USP24: variants seen among roughly 807,000 people sequenced by gnomAD.
The protein encoded by USP24 is ubiquitin specific peptidase 24, also known as ubiquitin carboxyl-terminal hydrolase 24.
A neutral mutation model predicts 361.6 loss-of-function variants in USP24; 97 were observed. The ratio of observed to expected loss-of-function variants is 0.27; its 90% CI spans 0.23 to 0.32. The LOEUF (loss-of-function observed/expected upper bound fraction) is 0.32. Among genes scored for constraint, USP24 ranks in the 10% least tolerant of loss-of-function variants. USP24 has a pLI of 1.00. For synonymous variants in USP24, 1,098 were observed against 1,124.6 expected (o/e 0.98, Z 0.47); for missense variants, 2,353 against 3,165.6 (o/e 0.74, Z 6.16).
intron 28 of USP24, among the ~76,000 whole-genome samples, chr1:55,136,933 G>A (rs1427372180): frequency 1.3e-5 from 2 of 152,162 alleles, no homozygotes; most frequent in Non-Finnish European, 2.9e-5. Flanking sequence ...TGCAGAGACT[G>A]GAGACTGGAT....
At chr1:55,162,092 G>A in intron 8 of USP24, 107 bp downstream of exon 8, 1 of 951,790 alleles carries the variant, frequency 1.1e-6, no homozygotes. Flanking sequence ...TGTGAAAAAA[G>A]GAGTTACTCT....
At position 55,215,127 on chromosome 1, in the gene USP24, T is replaced by G. The variant is rs763310437; in HGVS notation, c.-14A>C. On this transcript the variant is annotated 5_prime_UTR_variant, in exon 1 of 68. Coordinates refer to ENST00000294383, the MANE Select transcript of USP24 (RefSeq NM_015306.3). ...CTCCGATTCCATGGCTTGGGCCTCC[T>G]GGCCGCCCCGGCCAGCGCACGGCGA... The G allele has an allele frequency of 4.8e-6, 6 of 1,250,044 alleles. No individual in the cohort carries two copies. The highest frequency in any genetic ancestry group is 1.5e-5 in the African/African-American group (1 of 64,818). The allele number at this position is 1,250,044 out of a possible 1,614,324, so 77.4% of individuals were successfully genotyped here. A position where few individuals can be genotyped will look rare whatever the true frequency, so the allele number is the denominator to read the frequency against.
intron 64 of USP24, 109 bp from the exon 65 acceptor site, chr1:55,072,970 T>C: frequency 9.2e-7 from 1 of 1,091,338 alleles, no homozygotes; most frequent in Non-Finnish European, 1.3e-6. Context: ...GTCTTTATAT[T>C]TGTGATTCTA....
At chr1:55,079,797 T>C in intron 59 of USP24, 138 bp from the exon 60 acceptor site, 3 of 1,155,362 alleles carry the variant, frequency 2.6e-6, no homozygotes, top group Non-Finnish European at 3.5e-6. Context: ...ACACACTGAG[T>C]ACTCACACAC....
At position 55,137,288 on chromosome 1, in the gene USP24, C is replaced by T. The variant is rs1006827603; in HGVS notation, c.3201+227G>A. Among the ~76,000 whole-genome samples the T allele has an allele frequency of 3.3e-5, 5 of 152,214 alleles. 1 individual carries two copies. Among genetic ancestry groups the T allele is most frequent in the South Asian group, 4.1e-4 (2 of 4,830 alleles). ...AGGATGGCAAAAGAAAAGCTGGAAA[C>T]GAGTTCAGACAACTGTTTCAAGGAG... On this transcript the variant is annotated intron_variant, in intron 28 of 67. Coordinates refer to ENST00000294383, the MANE Select transcript of USP24 (RefSeq NM_015306.3).
At chr1:55,125,635 G>C in intron 33 of USP24, 28 bp downstream of exon 33, 2 of 1,579,208 alleles carry the variant, frequency 1.3e-6, no homozygotes, top group African/African-American at 2.7e-5. Flanking sequence ...GTATTGCCTG[G>C]TAAGACTAAT....
At position 55,104,021 on chromosome 1, in the gene USP24, C is replaced by A; in HGVS notation, c.4881-1G>T. On this transcript the variant is annotated splice_acceptor_variant, in intron 41 of 67. Coordinates refer to ENST00000294383, the MANE Select transcript of USP24 (RefSeq NM_015306.3). LOFTEE classifies it high-confidence loss of function. ...CAATCGGCTATTCGCTGTACTACACCTAGAAACAAAAGACACAAGTCAATT... is the reference window on the plus strand; with the variant it reads ...CAATCGGCTATTCGCTGTACTACACATAGAAACAAAAGACACAAGTCAATT... 6.3e-7 allele frequency: 1 copy of A among 1,598,590 alleles called. No individual in the cohort carries two copies. Among genetic ancestry groups the A allele is most frequent in the Non-Finnish European group, 8.5e-7 (1 of 1,172,946 alleles).
At chr1:55,138,040 C>A in intron 26 of USP24, 136 bp from the exon 27 acceptor site, 2 of 802,258 alleles carry the variant, frequency 2.5e-6, no homozygotes, top group Non-Finnish European at 3.9e-6. Flanking sequence ...AGACAAGAAC[C>A]CCTGCCCTCG....
chr1:55,126,042 CT>C lies in USP24; in HGVS notation c.3636-285del, dbSNP rs1217532239. On this transcript the variant is annotated intron_variant, in intron 32 of 67. Transcript: ENST00000294383. ...ATTTAACTCAGATCATGGCACTCCT[CT>C]GCACAAAATCCTTCAATGGTTTCCT... Among the ~76,000 whole-genome samples the C allele has an allele frequency of 2.6e-5, 4 of 152,344 alleles. No individual in the cohort carries two copies. The East Asian group carries it at 7.7e-4, about 29-fold the overall frequency.
intron 5 of USP24, 48 bp downstream of exon 5, chr1:55,171,504 CTTCT>C: frequency 3.9e-6 from 6 of 1,543,520 alleles, no homozygotes; most frequent in Middle Eastern, 1.7e-4. Flanking sequence ...CACAGAAAAT[CTTCT>C]TTTTCAATAC....
At chr1:55,192,780 TAAAC>T (rs1366786855) in intron 1 of USP24, among the ~76,000 whole-genome samples, 2 of 152,346 alleles carry the variant, frequency 1.3e-5, no homozygotes, top group East Asian at 3.9e-4. Flanking sequence ...GAGAAGATGA[TAAAC>T]AAGTAAGTGT....
rs1357999901 is a variant in USP24, at chr1:55,107,316, T to C, written c.4685A>G (p.Asp1562Gly). ...RTAECETSEA[D>G]NILLAGHLRL... ...TAAGTGCCCTGCCAGTAAGATGTTG[T>C]CCGCTTCACTGGTCTCACATTCAGC... Residue 1562 changes from aspartate (D) to glycine (G), a missense_variant, in exon 40 of 68, where the codon GAC becomes GGC. Asp to Gly is a moderately conservative substitution (Grantham distance 94). Transcript: ENST00000294383. The C allele has an allele frequency of 6.2e-7, 1 of 1,613,984 alleles. No individual in the cohort carries two copies. The highest frequency in any genetic ancestry group is 8.5e-7 in the Non-Finnish European group (1 of 1,179,886).
chr1:55,081,067 T>A (rs1332455053), intron 59 of USP24, among the ~76,000 whole-genome samples: 2 of 152,120 alleles, frequency 1.3e-5, no homozygotes, highest in Non-Finnish European at 2.9e-5. Flanking sequence ...TAGCTTTTAA[T>A]CCTAAAGAGT....
chr1:55,192,261 G>A (rs1156759114), intron 1 of USP24, among the ~76,000 whole-genome samples: 1 of 152,146 alleles, frequency 6.6e-6, no homozygotes, highest in African/African-American at 2.4e-5. Flanking sequence ...GTTGAAAGAA[G>A]TAAAACCTAC....
chr1:55,204,623 T>A (rs1428297851), intron 1 of USP24, among the ~76,000 whole-genome samples: 1 of 152,204 alleles, frequency 6.6e-6, no homozygotes, highest in Admixed American at 6.5e-5. Context: ...AAGACCTCTC[T>A]CTAGCTTCTG....
chr1:55,128,901 G>A (rs976771932), intron 32 of USP24, among the ~76,000 whole-genome samples: 13 of 151,478 alleles, frequency 8.6e-5, no homozygotes, highest in Non-Finnish European at 1.5e-4. Context: ...TTTATTTTTA[G>A]TAGACATGAG....
intron 1 of USP24, among the ~76,000 whole-genome samples, chr1:55,211,302 A>C (rs1195464897): frequency 6.6e-6 from 1 of 152,252 alleles, no homozygotes; most frequent in Non-Finnish European, 1.5e-5. Flanking sequence ...ATGATTTTGA[A>C]GTAATGCTAT....
chr1:55,103,787 G>T, intron 42 of USP24, 89 bp downstream of exon 42: 1 of 1,399,526 alleles, frequency 7.1e-7, no homozygotes, highest in South Asian at 1.5e-5. Flanking sequence ...CTTTCTTTGT[G>T]GTCAGCAGAA....
chr1:55,099,225 G>A (rs1249688634), intron 45 of USP24, among the ~76,000 whole-genome samples: 1 of 152,160 alleles, frequency 6.6e-6, no homozygotes, highest in Admixed American at 6.5e-5. Context: ...GAGATTAAGA[G>A]TTACATACTT....
Sources: gnomAD v4.1 joint callset for allele counts (sites outside exome capture counted in the v4.1 genomes callset) on GRCh38, gnomAD v4.1.1 for gene constraint, MANE v1.5 for transcripts, NCBI Gene and HGNC (gene_info 2026-07-23, HGNC 2026-07-21) for gene names.